PDE8B: variants seen among roughly 807,000 people sequenced by gnomAD.
The protein encoded by PDE8B is high affinity cAMP-specific and IBMX-insensitive 3',5'-cyclic phosphodiesterase 8B.
A neutral mutation model predicts 101.3 loss-of-function variants in PDE8B; 26 were observed. The observed-to-expected ratio is 0.26, with a 90% confidence interval of 0.19 to 0.36. PDE8B has a LOEUF of 0.36. PDE8B is among the 10% of genes least tolerant of loss of function. PDE8B has a pLI of 1.00. For missense variants in PDE8B, 810 were observed against 1,163.1 expected, an observed-to-expected ratio of 0.70 and a Z score of 4.42; for synonymous variants, 424 against 429.3, an observed-to-expected ratio of 0.99 and a Z score of 0.15.
intron 2 of PDE8B, among the ~76,000 whole-genome samples, 199 bp downstream of exon 2, chr5:77,312,252 C>T (rs371268816): frequency 2.9e-4 from 44 of 151,880 alleles, no homozygotes; most frequent in South Asian, 1.9e-3. Context: ...TACAGGTGTG[C>T]GCCACCATGC....
At chr5:77,236,976 A>G (rs1476044793) in intron 1 of PDE8B, among the ~76,000 whole-genome samples, 1 of 152,106 alleles carries the variant, frequency 6.6e-6, no homozygotes, top group Non-Finnish European at 1.5e-5. Context: ...TGCTAATTGT[A>G]TATTTAGTAT....
chr5:77,283,629 C>T (rs251415), intron 1 of PDE8B, among the ~76,000 whole-genome samples: 23,660 of 152,088 alleles, frequency 0.16, 2,162 homozygotes, highest in Non-Finnish European at 0.21. Context: ...TAGTAATATG[C>T]GTTTAAGGTT....
chr5:77,332,169 A>G (rs1777265394), intron 5 of PDE8B, among the ~76,000 whole-genome samples: 1 of 152,212 alleles, frequency 6.6e-6, no homozygotes, highest in South Asian at 2.1e-4. Flanking sequence ...GATTATCAAA[A>G]CATGAATGTT....
At chr5:77,090,542 G>A in the PDE8B span, among the ~76,000 whole-genome samples, 1 of 152,242 alleles carries the variant, frequency 6.6e-6, no homozygotes, top group South Asian at 2.1e-4. Context: ...CAAAGTGCTG[G>A]GATTACAGGC....
the PDE8B span, among the ~76,000 whole-genome samples, chr5:77,176,976 C>T: frequency 3.6e-4 from 54 of 151,918 alleles, no homozygotes; most frequent in East Asian, 5.4e-3. Context: ...TTCTCTTTTC[C>T]TTCTTTCCTT....
chr5:77,253,836 C>T (rs1486659787), intron 1 of PDE8B, among the ~76,000 whole-genome samples: 1 of 152,024 alleles, frequency 6.6e-6, no homozygotes, highest in Non-Finnish European at 1.5e-5. Flanking sequence ...ATTGATATAT[C>T]TAGCTCCTAA....
chr5:77,333,172 C>G (rs1777488646), intron 5 of PDE8B, among the ~76,000 whole-genome samples: 1 of 152,134 alleles, frequency 6.6e-6, no homozygotes, highest in South Asian at 2.1e-4. Context: ...TTTCACGCTC[C>G]TAACACTTTT....
intron 1 of PDE8B, among the ~76,000 whole-genome samples, chr5:77,293,446 T>A (rs2149969716): frequency 6.6e-6 from 1 of 152,362 alleles, no homozygotes; most frequent in East Asian, 1.9e-4. Context: ...AGCATTTTTT[T>A]AGTACTGGTT....
At chr5:77,376,720 A>G (rs1786206444) in intron 10 of PDE8B, among the ~76,000 whole-genome samples, 2 of 152,140 alleles carry the variant, frequency 1.3e-5, no homozygotes, top group South Asian at 4.2e-4. Flanking sequence ...TCCTCTCGTT[A>G]TTACTAATTT....
At chr5:77,298,319 G>T (rs750803517) in intron 1 of PDE8B, among the ~76,000 whole-genome samples, 1 of 152,122 alleles carries the variant, frequency 6.6e-6, no homozygotes. Context: ...AGGGCTGTGG[G>T]CTCAGCCACA....
intron 6 of PDE8B, 133 bp from the exon 7 acceptor site, chr5:77,344,720 G>A (rs767932136): frequency 2.7e-6 from 2 of 748,482 alleles, no homozygotes; most frequent in South Asian, 2.9e-5. Context: ...GGAGACATCA[G>A]CATTCAGACC....
At chr5:77,415,461 G>A (rs1018084480) in intron 17 of PDE8B, among the ~76,000 whole-genome samples, 1 of 148,686 alleles carries the variant, frequency 6.7e-6, no homozygotes, top group Non-Finnish European at 1.5e-5. Context: ...AGGTTCAAGC[G>A]ATTCTCCTGC....
At chr5:77,299,735 G>A (rs935569590) in intron 1 of PDE8B, among the ~76,000 whole-genome samples, 5 of 152,050 alleles carry the variant, frequency 3.3e-5, no homozygotes, top group African/African-American at 7.2e-5. Context: ...ATAAACATAC[G>A]TGTGCATGTG....
chr5:77,146,345 T>A, the PDE8B span: 1 of 151,548 alleles, frequency 6.6e-6, no homozygotes, highest in Non-Finnish European at 1.5e-5. Context: ...CACCTCCTGG[T>A]TTCACCCTTG....
intron 1 of PDE8B, among the ~76,000 whole-genome samples, chr5:77,256,030 A>T (rs1464156323): frequency 6.6e-6 from 1 of 152,028 alleles, no homozygotes; most frequent in Non-Finnish European, 1.5e-5. Context: ...CTCGTGGTTG[A>T]TTTATATGGT....
chr5:77,327,169 G>A (rs1776199927), intron 3 of PDE8B, among the ~76,000 whole-genome samples: 1 of 152,134 alleles, frequency 6.6e-6, no homozygotes, highest in South Asian at 2.1e-4. Context: ...TGGGTGACAC[G>A]CTCCTGGCAG....
At chr5:77,314,014 G>A (rs1554078511) in intron 2 of PDE8B, among the ~76,000 whole-genome samples, 1 of 151,968 alleles carries the variant, frequency 6.6e-6, no homozygotes, top group Non-Finnish European at 1.5e-5. Flanking sequence ...TTACTTCTTT[G>A]TTTTCTTCTA....
At chr5:77,217,173 T>G (rs1464897628) in intron 1 of PDE8B, among the ~76,000 whole-genome samples, 1 of 152,094 alleles carries the variant, frequency 6.6e-6, no homozygotes, top group Admixed American at 6.5e-5. Context: ...TACACTTTTT[T>G]TATCACTTCC....
chr5:77,175,063 T>C, the PDE8B span, among the ~76,000 whole-genome samples: 3 of 152,198 alleles, frequency 2.0e-5, no homozygotes, highest in Non-Finnish European at 2.9e-5. Flanking sequence ...TCTTGTTTTT[T>C]TCCTTCTCCT....
Sources: allele counts gnomAD v4.1 joint callset (sites outside exome capture counted in the v4.1 genomes callset), GRCh38; gene constraint gnomAD v4.1.1; transcripts MANE v1.5; gene names NCBI Gene and HGNC (gene_info 2026-07-23, HGNC 2026-07-21).